Variants in MXI1 observed in about 807,000 individuals in gnomAD.
The protein encoded by MXI1 is MAX interactor 1, dimerization protein.
A neutral mutation model predicts 36.9 loss-of-function variants in MXI1; 18 were observed. The ratio of observed to expected loss-of-function variants is 0.49; its 90% CI spans 0.34 to 0.72. MXI1 has a LOEUF of 0.72. Among genes scored for constraint, MXI1 ranks in the 30% least tolerant of loss-of-function variants. The pLI is 0.01. For missense variants in MXI1, 304 were observed against 379.1 expected (o/e 0.80, Z 1.64); for synonymous variants, 160 against 146.7 (o/e 1.09, Z -0.65).
intron 1 of MXI1, chr10:110,227,559 G>C (rs1044365983): frequency 1.0e-6 from 1 of 983,396 alleles, no homozygotes; most frequent in East Asian, 1.2e-4. Flanking sequence ...GGAGATAAGA[G>C]GAAGGAGGAA....
chr10:110,285,125 G>C lies in MXI1; in HGVS notation c.*138G>C, dbSNP rs1857397947. 2.4e-6 allele frequency: 2 copies of C among 828,476 alleles called. No homozygotes were observed. The highest frequency in any genetic ancestry group is 1.8e-5 in the African/African-American group (1 of 56,156). 51.3% of individuals were successfully genotyped at this position (828,476 alleles called of 1,614,324 possible). ...AAAACAAAACTATACTTGAACAAAA[G>C]GGTCAGAGGACCTGTATTTAAGCAA... On this transcript the variant is annotated 3_prime_UTR_variant, in exon 6 of 6. Transcript: ENST00000332674.
chr10:110,242,264 G>T (rs1277516090), intron 2 of MXI1, among the ~76,000 whole-genome samples: 1 of 151,960 alleles, frequency 6.6e-6, no homozygotes, highest in African/African-American at 2.4e-5. Context: ...ACCTTTCTTT[G>T]TATATTTATT....
At chr10:110,278,443 G>C (rs1249472304) in intron 3 of MXI1, among the ~76,000 whole-genome samples, 1 of 152,148 alleles carries the variant, frequency 6.6e-6, no homozygotes, top group Non-Finnish European at 1.5e-5. Flanking sequence ...TTAAGCTAAC[G>C]AGCTAGCACA....
At chr10:110,212,791 A>C (rs1023118171) in intron 1 of MXI1, among the ~76,000 whole-genome samples, 1 of 152,212 alleles carries the variant, frequency 6.6e-6, no homozygotes, top group Non-Finnish European at 1.5e-5. Flanking sequence ...CTGAGATATA[A>C]TAGGTGCTCA....
Position 110,238,739 on chromosome 10 carries a change from A to G in MXI1, c.408-6089A>G, listed in dbSNP as rs7916710. Among the ~76,000 whole-genome samples, 640 of 152,262 alleles carry G rather than the reference A, an allele frequency of 4.2e-3. 7 individuals are homozygous for G. Among genetic ancestry groups the G allele is most frequent in the African/African-American group, 0.015 (623 of 41,558 alleles). The stretch of plus-strand genomic sequence containing the variant: ...AAAAATTATTATTTTAATCTCTTTA[A>G]TAGATGAAAGGCAATTCAGAGTTTC... On this transcript the variant is annotated intron_variant, in intron 2 of 5. Transcript: ENST00000332674.
chr10:110,228,457 G>A, intron 2 of MXI1, 136 bp downstream of exon 2: 1 of 1,053,542 alleles, frequency 9.5e-7, no homozygotes, highest in Admixed American at 2.6e-5. Flanking sequence ...TTAAAATAAT[G>A]AAGTCTAGAA....
At chr10:110,273,526 G>A (rs569465609) in intron 3 of MXI1, among the ~76,000 whole-genome samples, 2 of 152,104 alleles carry the variant, frequency 1.3e-5, no homozygotes, top group African/African-American at 2.4e-5. Flanking sequence ...ATAAATTTGG[G>A]TTTTCAGAAG....
intron 1 of MXI1, chr10:110,227,623 G>C (rs1269118991): frequency 2.2e-6 from 2 of 913,962 alleles, no homozygotes; most frequent in South Asian, 9.8e-5. Context: ...AACACTGAGC[G>C]GGGGAAAACC....
intron 1 of MXI1, chr10:110,208,288 G>T (rs1854413384): frequency 4.2e-6 from 2 of 476,334 alleles, no homozygotes; most frequent in Non-Finnish European, 3.6e-6. Context: ...GGGGAGAGGG[G>T]CCTGTCGGTG....
chr10:110,247,743 G>A (rs1421943795), intron 3 of MXI1, among the ~76,000 whole-genome samples: 1 of 152,160 alleles, frequency 6.6e-6, no homozygotes, highest in Non-Finnish European at 1.5e-5. Flanking sequence ...TTACACTGTT[G>A]GTGGGACTGT....
At chr10:110,227,824 CAGAG>C (rs931290156) in intron 1 of MXI1, 1 of 262,988 alleles carries the variant, frequency 3.8e-6, no homozygotes, top group African/African-American at 2.2e-5. Context: ...CTCTTTAGAA[CAGAG>C]AGAGTTGAAA....
At chr10:110,284,337 A>G (rs1857369584) in intron 5 of MXI1, among the ~76,000 whole-genome samples, 1 of 152,164 alleles carries the variant, frequency 6.6e-6, no homozygotes, top group African/African-American at 2.4e-5. Context: ...GATGAATCCT[A>G]GAAGTCTGTT....
At chr10:110,284,488 C>G (rs576658117) in intron 5 of MXI1, among the ~76,000 whole-genome samples, 1 of 152,168 alleles carries the variant, frequency 6.6e-6, no homozygotes, top group Non-Finnish European at 1.5e-5. Flanking sequence ...TGGTTTAATG[C>G]AAAACAGATG....
intron 5 of MXI1, among the ~76,000 whole-genome samples, chr10:110,282,312 C>T (rs1857281331): frequency 6.6e-6 from 1 of 152,052 alleles, no homozygotes; most frequent in Non-Finnish European, 1.5e-5. Flanking sequence ...ATAGTTTTTT[C>T]ATCCTTTTTA....
intron 1 of MXI1, among the ~76,000 whole-genome samples, chr10:110,208,959 G>C (rs980958296): frequency 4.6e-5 from 7 of 152,202 alleles, no homozygotes; most frequent in Non-Finnish European, 1.0e-4. Context: ...CACAGGGCAA[G>C]CAAGGCAAAC....
intron 3 of MXI1, among the ~76,000 whole-genome samples, chr10:110,247,527 A>G (rs1260662052): frequency 6.6e-6 from 1 of 152,156 alleles, no homozygotes; most frequent in Non-Finnish European, 1.5e-5. Context: ...TAGGTCTAAC[A>G]TTTAAGTCTT....
intron 1 of MXI1, chr10:110,227,410 C>T: frequency 2.0e-6 from 2 of 986,156 alleles, no homozygotes; most frequent in Non-Finnish European, 2.4e-6. Context: ...TGCGAGGGTG[C>T]GCACGGAGGG....
At chr10:110,256,602 CAAAAAAAAA>C (rs58267076) in intron 3 of MXI1, among the ~76,000 whole-genome samples, 4 of 48,870 alleles carry the variant, frequency 8.2e-5, no homozygotes, top group Non-Finnish European at 1.6e-4. Context: ...GACTCTGTCT[CAAAAAAAAA>C]AAAAAAAAAA....
chr10:110,244,497 A>G (rs773441189), intron 2 of MXI1, among the ~76,000 whole-genome samples: 2 of 151,190 alleles, frequency 1.3e-5, no homozygotes, highest in Non-Finnish European at 3.0e-5. Context: ...AAACAGGATT[A>G]TGTTTAAAAT....
Sources: allele counts gnomAD v4.1 joint callset (sites outside exome capture counted in the v4.1 genomes callset), GRCh38; gene constraint gnomAD v4.1.1; transcripts MANE v1.5; gene names NCBI Gene and HGNC (gene_info 2026-07-23, HGNC 2026-07-21).